The following SLC39A11 variants were observed in gnomAD, a reference collection of about 807,000 sequenced individuals.
SLC39A11 encodes zinc transporter ZIP11.
Under a neutral mutation model 36.1 loss-of-function variants are expected in SLC39A11, and 33 were observed. The observed-to-expected ratio is 0.91, with a 90% confidence interval of 0.69 to 1.22. The LOEUF is 1.22. Ranked by LOEUF, SLC39A11 falls within the 50% of genes most tolerant of loss-of-function variation. SLC39A11 has a pLI of 0.00. For missense variants in SLC39A11, 432 were observed against 430.3 expected (o/e 1.00, Z -0.03); for synonymous variants, 166 against 170.3 (o/e 0.97, Z 0.20).
chr17:72,846,720 C>T (rs1340107506), intron 6 of SLC39A11, among the ~76,000 whole-genome samples: 1 of 152,148 alleles, frequency 6.6e-6, no homozygotes, highest in African/African-American at 2.4e-5. Flanking sequence ...GACCTTAGAC[C>T]ACATTTTTGT....
At chr17:73,005,468 C>T (rs2090129317) in intron 4 of SLC39A11, among the ~76,000 whole-genome samples, 1 of 152,234 alleles carries the variant, frequency 6.6e-6, no homozygotes, top group Non-Finnish European at 1.5e-5. Context: ...CATGGCCACC[C>T]TCTCACAATT....
At chr17:72,667,577 T>A (rs2070812595) in intron 7 of SLC39A11, among the ~76,000 whole-genome samples, 1 of 152,136 alleles carries the variant, frequency 6.6e-6, no homozygotes, top group Admixed American at 6.5e-5. Flanking sequence ...GCTGGGGATA[T>A]CATCAGCTGG....
chr17:72,776,530 T>A (rs1400356832), intron 6 of SLC39A11, among the ~76,000 whole-genome samples: 1 of 151,896 alleles, frequency 6.6e-6, no homozygotes, highest in Non-Finnish European at 1.5e-5. Context: ...ATAATTAATT[T>A]GTCTTTTAAA....
intron 4 of SLC39A11, among the ~76,000 whole-genome samples, chr17:72,978,105 G>A (rs570475405): frequency 9.2e-5 from 14 of 152,258 alleles, no homozygotes; most frequent in Non-Finnish European, 1.5e-4. Context: ...GGGGAAGTAC[G>A]GGGAGGTTCT....
chr17:72,961,058 A>G (rs531225488), intron 4 of SLC39A11, among the ~76,000 whole-genome samples: 1 of 152,188 alleles, frequency 6.6e-6, no homozygotes, highest in Non-Finnish European at 1.5e-5. Context: ...AAGAGCCAGC[A>G]TGAAAGAGCG....
chr17:72,915,348 C>T (rs906295085), intron 5 of SLC39A11, among the ~76,000 whole-genome samples: 6 of 152,144 alleles, frequency 3.9e-5, no homozygotes, highest in Non-Finnish European at 5.9e-5. Flanking sequence ...CAAACTAGCT[C>T]GTTTTAATGC....
At chr17:72,889,335 T>C (rs994472795) in intron 5 of SLC39A11, among the ~76,000 whole-genome samples, 6 of 152,062 alleles carry the variant, frequency 3.9e-5, no homozygotes, top group Non-Finnish European at 7.4e-5. Context: ...GCCAACATGG[T>C]GAAACCCCAT....
chr17:72,737,431 G>C (rs1393002099), intron 6 of SLC39A11, among the ~76,000 whole-genome samples: 1 of 152,174 alleles, frequency 6.6e-6, no homozygotes, highest in Admixed American at 6.5e-5. Context: ...GACAGAAACT[G>C]TATGGCCTGA....
At chr17:72,782,682 C>T (rs1165885264) in intron 6 of SLC39A11, among the ~76,000 whole-genome samples, 2 of 110,564 alleles carry the variant, frequency 1.8e-5, no homozygotes, top group South Asian at 3.4e-4. Context: ...AGCAAGACCC[C>T]ATCTCAAAAA....
At chr17:72,890,175 G>A (rs1269724639) in intron 5 of SLC39A11, among the ~76,000 whole-genome samples, 2 of 151,878 alleles carry the variant, frequency 1.3e-5, no homozygotes, top group African/African-American at 4.8e-5. Flanking sequence ...TGAGACAGGA[G>A]TATCACTTGA....
At chr17:72,959,552 C>T (rs374359953) in intron 4 of SLC39A11, among the ~76,000 whole-genome samples, 6 of 151,552 alleles carry the variant, frequency 4.0e-5, no homozygotes, top group Admixed American at 2.0e-4. Context: ...ATACAACGGA[C>T]TTTGGGAACT....
chr17:72,733,561 T>C (rs1165120371), intron 7 of SLC39A11, among the ~76,000 whole-genome samples: 1 of 152,122 alleles, frequency 6.6e-6, no homozygotes, highest in Non-Finnish European at 1.5e-5. Flanking sequence ...AGGCAGGGGC[T>C]GGTGCACAGT....
At chr17:72,983,238 C>G (rs1054716011) in intron 4 of SLC39A11, among the ~76,000 whole-genome samples, 2 of 152,090 alleles carry the variant, frequency 1.3e-5, no homozygotes, top group African/African-American at 2.4e-5. Context: ...CAGCCTCCAC[C>G]TCCCAGGTTC....
chr17:72,901,681 C>T (rs72847971), intron 5 of SLC39A11, among the ~76,000 whole-genome samples: 231 of 152,296 alleles, frequency 1.5e-3, no homozygotes, highest in African/African-American at 5.2e-3. Context: ...AGCAGAATGC[C>T]TAACACCCAT....
intron 5 of SLC39A11, among the ~76,000 whole-genome samples, chr17:72,939,320 G>C (rs1321484030): frequency 1.3e-5 from 2 of 152,106 alleles, no homozygotes; most frequent in Non-Finnish European, 1.5e-5. Flanking sequence ...AATTAGCTGG[G>C]GGTAGTGGCG....
chr17:72,968,153 C>T (rs962306922), intron 4 of SLC39A11, among the ~76,000 whole-genome samples: 4 of 152,104 alleles, frequency 2.6e-5, no homozygotes, highest in African/African-American at 9.7e-5. Context: ...TGATGCATGT[C>T]CAGAAAATTA....
At chr17:72,714,172 A>C (rs1325886401) in intron 7 of SLC39A11, among the ~76,000 whole-genome samples, 3 of 152,128 alleles carry the variant, frequency 2.0e-5, no homozygotes, top group Non-Finnish European at 4.4e-5. Context: ...CCTGGCCAAC[A>C]TGGTGAAACC....
At chr17:72,939,855 G>GGGA (rs2084988412) in intron 5 of SLC39A11, among the ~76,000 whole-genome samples, 1 of 152,190 alleles carries the variant, frequency 6.6e-6, no homozygotes, top group African/African-American at 2.4e-5. Flanking sequence ...GAAGGGACCA[G>GGGA]AGTGTTTCAG....
intron 6 of SLC39A11, among the ~76,000 whole-genome samples, chr17:72,748,688 T>C (rs1486080827): frequency 6.6e-6 from 1 of 152,210 alleles, no homozygotes; most frequent in African/African-American, 2.4e-5. Flanking sequence ...TTTGCTTTAG[T>C]TCTCAATAAC....
Sources: allele counts gnomAD v4.1 joint callset (sites outside exome capture counted in the v4.1 genomes callset), GRCh38; gene constraint gnomAD v4.1.1; transcripts MANE v1.5; gene names NCBI Gene and HGNC (gene_info 2026-07-23, HGNC 2026-07-21).